Variants in ADGRA2 observed in about 807,000 individuals in gnomAD.
ADGRA2 encodes the protein adhesion G protein-coupled receptor A2.
In ADGRA2, 61 loss-of-function variants were observed where a neutral mutation model predicts 98.7. The observed-to-expected ratio is 0.62, with a 90% CI of 0.50 to 0.76. The LOEUF (loss-of-function observed/expected upper bound fraction) is 0.76. Among genes scored for constraint, ADGRA2 ranks in the 30% least tolerant of loss-of-function variants. The pLI, the probability that ADGRA2 is intolerant of heterozygous loss-of-function variation, is 0.00. For missense variants in ADGRA2, 1,712 were observed against 1,860.0 expected, an observed-to-expected ratio of 0.92 and a Z score of 1.46; for synonymous variants, 858 against 831.5, an observed-to-expected ratio of 1.03 and a Z score of -0.55.
Position 37,830,082 on chromosome 8 carries a change from A to C in ADGRA2, c.718+68A>C. 9.3e-7 allele frequency: 1 copy of C among 1,080,526 alleles called. No homozygotes were observed. The highest frequency in any genetic ancestry group is 1.3e-6 in the Non-Finnish European group (1 of 775,200). 66.9% of individuals were successfully genotyped at this position (1,080,526 alleles called of 1,614,324 possible). A position where few individuals can be genotyped will look rare whatever the true frequency, so the allele number is the denominator to read the frequency against. ...CTCTCCACCAACCCAGGGCCCAGAC[A>C]CGAGCCTCCCCTCAGACCCACAGGT... On this transcript the variant is annotated intron_variant, in intron 6 of 18. Transcript: ENST00000412232. The surrounding 1 kb of genome is among the most constrained non-coding windows in gnomAD (Gnocchi z 4.8).
chr8:37,825,523 A>G (rs886965681), intron 2 of ADGRA2, among the ~76,000 whole-genome samples: 13 of 151,658 alleles, frequency 8.6e-5, no homozygotes, highest in African/African-American at 2.4e-4. Flanking sequence ...TGCAGGGATT[A>G]CAGGTGTGAG....
In ADGRA2 at chr8:37,840,791, A is replaced by T. The variant is rs746482373; in HGVS notation, c.2689A>T (p.Ile897Phe). 1 of 1,608,836 alleles carries T rather than the reference A, an allele frequency of 6.2e-7. No homozygotes were observed. The highest frequency in any genetic ancestry group is 1.1e-5 in the South Asian group (1 of 90,848). Residue 897 changes from isoleucine to phenylalanine, a missense_variant, in exon 18 of 19, where the codon ATT (isoleucine) becomes TTT (phenylalanine). Transcript: ENST00000412232. ...TTTGATCGCTGGAGGGATTCCACTCATTATCTGTGGCATCACAGCTGCAGT... is the reference window on the plus strand; with the variant it reads ...TTTGATCGCTGGAGGGATTCCACTCTTTATCTGTGGCATCACAGCTGCAGT... ...FYLIAGGIPL[I>F]ICGITAAVNI...
chr8:37,829,690 C>A (rs1304626138), intron 5 of ADGRA2, 131 bp downstream of exon 5: 17 of 960,104 alleles, frequency 1.8e-5, no homozygotes, highest in Non-Finnish European at 2.3e-5. Flanking sequence ...GAAATGCCCC[C>A]ATGATCACCT....
At chr8:37,803,824 C>G (rs1196204729) in intron 1 of ADGRA2, among the ~76,000 whole-genome samples, 1 of 152,010 alleles carries the variant, frequency 6.6e-6, no homozygotes, top group Non-Finnish European at 1.5e-5. Context: ...GAGAGCGAGT[C>G]CTGGGGAGGG....
chr8:37,806,490 A>ATTTTCT lies in ADGRA2; in HGVS notation c.267-8383_267-8378dup, dbSNP rs370008167. ...ACAATGTGACCCCTATGGGTGTGGC[A>ATTTTCT]TTTTCTTTTTCTTTTTCTTTTTCTT... On this transcript the variant is annotated intron_variant, in intron 1 of 18. Coordinates refer to ENST00000412232, the MANE Select transcript of ADGRA2 (RefSeq NM_032777.10). Among the ~76,000 whole-genome samples, 900 of 118,648 alleles carry ATTTTCT rather than the reference A, an allele frequency of 7.6e-3. 44 individuals carry two copies. Among genetic ancestry groups the ATTTTCT allele is most frequent in the Admixed American group, 0.066 (817 of 12,450 alleles). 77.8% of individuals were successfully genotyped at this position (118,648 alleles called of 152,430 possible). A position where few individuals can be genotyped will look rare whatever the true frequency, so the allele number is the denominator to read the frequency against.
At position 37,797,234 on chromosome 8, in the gene ADGRA2, C is replaced by G; in HGVS notation, c.-35C>G. 8.2e-7 allele frequency: 1 copy of G among 1,223,712 alleles called. No homozygotes were observed. The highest frequency in any genetic ancestry group is 1.0e-6 in the Non-Finnish European group (1 of 983,698). 75.8% of individuals were successfully genotyped at this position (1,223,712 alleles called of 1,614,324 possible). On this transcript the variant is annotated 5_prime_UTR_variant, in exon 1 of 19. Coordinates refer to ENST00000412232, the MANE Select transcript of ADGRA2 (RefSeq NM_032777.10). The surrounding 1 kb of genome is among the most constrained non-coding windows in gnomAD (Gnocchi z 5.3). ...CCCTCCGGCCGGCGCGCAGCCCGGC[C>G]CCAGCGCTGTGGGTCCCCGCGGGGC...
At chr8:37,838,733 G>T (rs1805694619) in intron 14 of ADGRA2, among the ~76,000 whole-genome samples, 1 of 152,118 alleles carries the variant, frequency 6.6e-6, no homozygotes, top group African/African-American at 2.4e-5. Context: ...GGTGTGAAGA[G>T]TCCTCAGCAA....
At chr8:37,827,102 A>C (rs1175774262) in intron 2 of ADGRA2, among the ~76,000 whole-genome samples, 4 of 152,236 alleles carry the variant, frequency 2.6e-5, no homozygotes, top group Non-Finnish European at 5.9e-5. Context: ...CACTGCCTCC[A>C]TCTCAGACCC....
intron 2 of ADGRA2, among the ~76,000 whole-genome samples, chr8:37,816,587 G>A (rs988812366): frequency 5.3e-5 from 7 of 130,866 alleles, no homozygotes; most frequent in African/African-American, 1.2e-4. Context: ...GCGAGACTCC[G>A]TCTCAAACAC....
At chr8:37,800,257 G>T (rs1356165792) in intron 1 of ADGRA2, among the ~76,000 whole-genome samples, 1 of 152,238 alleles carries the variant, frequency 6.6e-6, no homozygotes, top group African/African-American at 2.4e-5. Context: ...CCACAGAGGA[G>T]AGATGTATGG....
intron 1 of ADGRA2, among the ~76,000 whole-genome samples, chr8:37,811,474 C>CTTTTTTTTTT (rs34759771): frequency 2.7e-5 from 3 of 112,220 alleles, no homozygotes; most frequent in African/African-American, 1.0e-4. Context: ...ACCCAGCCAA[C>CTTTTTTTTTT]TTTTTTTTTT....
rs116987162 is a variant in ADGRA2, at chr8:37,820,073, C to T, written c.338+5106C>T. Among the ~76,000 whole-genome samples, 658 of 152,292 alleles carry T rather than the reference C, an allele frequency of 4.3e-3. 4 individuals carry two copies. The highest frequency in any genetic ancestry group is 4.7e-3 in the Non-Finnish European group (317 of 68,022). On this transcript the variant is annotated intron_variant, in intron 2 of 18. Coordinates refer to ENST00000412232, the MANE Select transcript of ADGRA2 (RefSeq NM_032777.10). ...GTCTGAGAAGTCAGACAGGAGCAGA[C>T]GCTGCAGTCTTGGGGCAGAATTTCT... is the stretch of plus-strand genomic sequence containing the variant.
At chr8:37,811,972 G>A (rs6999410) in intron 1 of ADGRA2, among the ~76,000 whole-genome samples, 4 of 151,652 alleles carry the variant, frequency 2.6e-5, no homozygotes, top group East Asian at 2.0e-4. Context: ...GCATGGTGAC[G>A]GGCACCTGTA....
At position 37,835,615 on chromosome 8, in the gene ADGRA2, C is replaced by T. The variant is rs757123112; in HGVS notation, c.1895C>T (p.Ala632Val). 6.2e-7 allele frequency: 1 copy of T among 1,613,776 alleles called. No homozygotes were observed. Among genetic ancestry groups the T allele is most frequent in the Non-Finnish European group, 8.5e-7 (1 of 1,179,724 alleles). The change falls in exon 13 of 19, where the codon GCC (alanine) becomes GTC (valine). Residue 632 changes from alanine (A) to valine (V), a missense_variant. Ala to Val is a moderately conservative substitution (Grantham distance 64). Coordinates refer to ENST00000412232, the MANE Select transcript of ADGRA2 (RefSeq NM_032777.10). Reference sequence around the variant, plus strand: ...AGTCTATTCTCATCCCTTCCGGCTGCCCTGGCTCCCCCGGTGCCCCCAGAC... The same window carrying T: ...AGTCTATTCTCATCCCTTCCGGCTGTCCTGGCTCCCCCGGTGCCCCCAGAC... ...PPSLFSSLPAALAPPVPPDCT... is the reference protein window; with the variant it reads ...PPSLFSSLPAVLAPPVPPDCT...
At chr8:37,840,939 A>G (rs2130062105) in intron 18 of ADGRA2, 90 bp downstream of exon 18, 1 of 904,690 alleles carries the variant, frequency 1.1e-6, no homozygotes, top group African/African-American at 2.0e-5. Context: ...AGGTCCACCC[A>G]GCCATAACCC....
At chr8:37,815,013 G>A (rs1374807596) in intron 2 of ADGRA2, 46 bp downstream of exon 2, 1 of 1,325,838 alleles carries the variant, frequency 7.5e-7, no homozygotes, top group South Asian at 1.2e-5. Flanking sequence ...TGGCCGTGAT[G>A]GCAAGAGGTC....
intron 9 of ADGRA2, among the ~76,000 whole-genome samples, chr8:37,833,462 C>A (rs1805517673): frequency 6.6e-6 from 1 of 152,200 alleles, no homozygotes; most frequent in Non-Finnish European, 1.5e-5. Flanking sequence ...CTCACCAACG[C>A]CAAAAGCAGA....
intron 2 of ADGRA2, among the ~76,000 whole-genome samples, chr8:37,828,123 CAG>C (rs889263473): frequency 1.3e-5 from 2 of 151,722 alleles, no homozygotes; most frequent in African/African-American, 4.8e-5. Context: ...GCCTGGATGA[CAG>C]AGAGACCCAG....
chr8:37,829,001 G>T, intron 3 of ADGRA2, 42 bp downstream of exon 3: 1 of 1,030,190 alleles, frequency 9.7e-7, no homozygotes, highest in Admixed American at 3.1e-5. Context: ...CTCCCCTCCC[G>T]AGGGAGAAAG....
Sources: allele counts gnomAD v4.1 joint callset (sites outside exome capture counted in the v4.1 genomes callset), GRCh38; gene constraint gnomAD v4.1.1; non-coding constraint Gnocchi (gnomAD v3.1); transcripts MANE v1.5; gene names NCBI Gene and HGNC (gene_info 2026-07-23, HGNC 2026-07-21).